COL9A1: variants seen among roughly 807,000 people sequenced by gnomAD.
COL9A1 encodes collagen type IX alpha 1 chain, also known as collagen alpha-1(IX) chain.
Under a neutral mutation model 142.6 loss-of-function variants are expected in COL9A1, and 104 were observed. The observed-to-expected ratio is 0.73, with a 90% CI of 0.62 to 0.86. The LOEUF (loss-of-function observed/expected upper bound fraction) is 0.86, where lower values mean the gene tolerates loss of function less well. Ranked by LOEUF, COL9A1 falls within the 40% of genes least tolerant of loss-of-function variation. The pLI is 0.00. For missense variants in COL9A1, 1,210 were observed against 1,176.6 expected (o/e 1.03, Z -0.42); for synonymous variants, 466 against 396.0 (o/e 1.18, Z -2.10).
At chr6:70,302,399 A>G (rs1280161394) in intron 1 of COL9A1, among the ~76,000 whole-genome samples, 1 of 151,862 alleles carries the variant, frequency 6.6e-6, no homozygotes, top group Non-Finnish European at 1.5e-5. Context: ...TAGTGGAGAC[A>G]GGGTTTCACC....
intron 2 of COL9A1, among the ~76,000 whole-genome samples, 172 bp downstream of exon 2, chr6:70,301,829 C>T (rs1401453377): frequency 6.6e-6 from 1 of 152,212 alleles, no homozygotes; most frequent in African/African-American, 2.4e-5. Flanking sequence ...CCATACCCAG[C>T]ATTGACCATG....
chr6:70,253,081 AG>A (rs1199854709), intron 26 of COL9A1, among the ~76,000 whole-genome samples: 1 of 152,190 alleles, frequency 6.6e-6, no homozygotes. Context: ...CTCTGACATA[AG>A]TTCTGTGGCT....
chr6:70,274,332 A>C (rs1376756094), intron 11 of COL9A1, among the ~76,000 whole-genome samples: 1 of 152,056 alleles, frequency 6.6e-6, no homozygotes, highest in Non-Finnish European at 1.5e-5. Context: ...GGCATCCACT[A>C]GCTATTCTTC....
intron 5 of COL9A1, among the ~76,000 whole-genome samples, chr6:70,288,804 T>C (rs1268127828): frequency 6.6e-6 from 1 of 152,142 alleles, no homozygotes; most frequent in Non-Finnish European, 1.5e-5. Context: ...GGCACTCCAA[T>C]ATCCTGCTTC....
chr6:70,223,697 A>C (rs542634363), intron 37 of COL9A1, among the ~76,000 whole-genome samples: 1 of 152,370 alleles, frequency 6.6e-6, no homozygotes, highest in Non-Finnish European at 1.5e-5. Context: ...GCAGAAAACG[A>C]TCCACCAGCA....
At chr6:70,262,122 T>A (rs946197802) in intron 19 of COL9A1, among the ~76,000 whole-genome samples, 10 of 151,906 alleles carry the variant, frequency 6.6e-5, no homozygotes, top group South Asian at 2.1e-4. Context: ...TTTTATAAAA[T>A]TTTTTTAAAA....
intron 20 of COL9A1, among the ~76,000 whole-genome samples, chr6:70,258,381 G>T (rs1370750514): frequency 6.6e-6 from 1 of 152,134 alleles, no homozygotes; most frequent in Non-Finnish European, 1.5e-5. Context: ...AAGAAAACCA[G>T]GTGGACGGCA....
intron 20 of COL9A1, among the ~76,000 whole-genome samples, chr6:70,257,970 A>G (rs1771427425): frequency 6.6e-6 from 1 of 152,194 alleles, no homozygotes; most frequent in African/African-American, 2.4e-5. Context: ...GGTTCAATTT[A>G]TATAAAGTAA....
chr6:70,299,622 G>C (rs529393933), intron 4 of COL9A1, among the ~76,000 whole-genome samples: 4 of 152,110 alleles, frequency 2.6e-5, no homozygotes, highest in Non-Finnish European at 4.4e-5. Flanking sequence ...GCCAAGCAGT[G>C]GACGTGTGGC....
intron 4 of COL9A1, among the ~76,000 whole-genome samples, chr6:70,297,795 C>A (rs1175795282): frequency 6.6e-6 from 1 of 151,550 alleles, no homozygotes. Flanking sequence ...AAACATAACA[C>A]GTTTGTTAGT....
intron 7 of COL9A1, 67 bp downstream of exon 7, chr6:70,282,831 A>G: frequency 6.2e-7 from 1 of 1,611,912 alleles, no homozygotes; most frequent in Non-Finnish European, 8.5e-7. Flanking sequence ...AGCTCCCTCG[A>G]CCGCTGCGCC....
At chr6:70,299,338 C>A (rs1583354296) in intron 4 of COL9A1, among the ~76,000 whole-genome samples, 2 of 151,830 alleles carry the variant, frequency 1.3e-5, no homozygotes, top group Admixed American at 1.3e-4. Flanking sequence ...AATTTTAATT[C>A]TAGTTTTTTT....
rs1768533082 is a variant in COL9A1, at chr6:70,216,791, A to G, written c.*106T>C. On this transcript the variant is annotated 3_prime_UTR_variant, in exon 38 of 38. Transcript: ENST00000357250. Reference sequence around the variant, plus strand: ...ATCATACTGAAGGTAATACATTGTAATCATGCTGAAGGTAATCATCTTTGC... The same window carrying G: ...ATCATACTGAAGGTAATACATTGTAGTCATGCTGAAGGTAATCATCTTTGC... The G allele has an allele frequency of 2.6e-6, 3 of 1,147,698 alleles. No homozygotes were observed. Among genetic ancestry groups the G allele is most frequent in the South Asian group, 1.3e-5 (1 of 76,772 alleles). The allele number at this position is 1,147,698 out of a possible 1,614,324, so 71.1% of individuals were successfully genotyped here. A position where few individuals can be genotyped will look rare whatever the true frequency, so the allele number is the denominator to read the frequency against.
intron 4 of COL9A1, among the ~76,000 whole-genome samples, chr6:70,296,072 ATTATGTC>A (rs1342980899): frequency 1.3e-5 from 2 of 152,170 alleles, no homozygotes; most frequent in Non-Finnish European, 2.9e-5. Context: ...ATAAAACTTT[ATTATGTC>A]TTATAACAAC....
intron 26 of COL9A1, among the ~76,000 whole-genome samples, chr6:70,252,691 T>G (rs1195224371): frequency 6.6e-6 from 1 of 152,150 alleles, no homozygotes; most frequent in Non-Finnish European, 1.5e-5. Context: ...ATTAAACTAT[T>G]GAAACTATTA....
At chr6:70,282,724 T>A (rs932268530) in intron 7 of COL9A1, among the ~76,000 whole-genome samples, 174 bp downstream of exon 7, 8 of 152,110 alleles carry the variant, frequency 5.3e-5, no homozygotes, top group Non-Finnish European at 8.8e-5. Flanking sequence ...CAAGGGGTCA[T>A]CTACGGCTCT....
intron 37 of COL9A1, among the ~76,000 whole-genome samples, 155 bp from the exon 38 acceptor site, chr6:70,217,236 G>T (rs1768582521): frequency 6.6e-6 from 1 of 152,194 alleles, no homozygotes; most frequent in Non-Finnish European, 1.5e-5. Context: ...TGATGATGAT[G>T]ATGATGATAA....
At chr6:70,283,959 T>C (rs1212611336) in intron 5 of COL9A1, 139 bp from the exon 6 acceptor site, 2 of 723,238 alleles carry the variant, frequency 2.8e-6, no homozygotes, top group African/African-American at 1.8e-5. Context: ...ACCAGGACTC[T>C]TGCTTTTCCT....
intron 10 of COL9A1, 45 bp downstream of exon 10, chr6:70,280,767 C>A: frequency 6.3e-7 from 1 of 1,586,250 alleles, no homozygotes; most frequent in Non-Finnish European, 8.6e-7. Context: ...CTCGTACCCA[C>A]CACACACCCC....
Sources: gnomAD v4.1 joint callset for allele counts (sites outside exome capture counted in the v4.1 genomes callset) on GRCh38, gnomAD v4.1.1 for gene constraint, MANE v1.5 for transcripts, NCBI Gene and HGNC (gene_info 2026-07-23, HGNC 2026-07-21) for gene names.